Variants in CERS4 observed in about 807,000 individuals in gnomAD.
CERS4 encodes ceramide synthase 4.
In CERS4, 65 loss-of-function variants were observed where a neutral mutation model predicts 51.8. That is an observed-to-expected ratio of 1.26 (90% confidence interval 1.03 to 1.54). The LOEUF (loss-of-function observed/expected upper bound fraction) is 1.54. Among genes scored for constraint, CERS4 ranks in the 40% most tolerant of loss-of-function variants. The probability of loss-of-function intolerance (pLI) is 0.00; values close to 1 mark genes in which losing one functional copy is unlikely to be tolerated. For missense variants in CERS4, 563 were observed against 500.4 expected (o/e 1.13, Z -1.19); for synonymous variants, 228 against 208.4 (o/e 1.09, Z -0.81).
intron 2 of CERS4, among the ~76,000 whole-genome samples, chr19:8,243,194 TAAAAAAAAAAAAA>T (rs56754017): frequency 0.018 from 1,082 of 59,926 alleles, 22 homozygotes; most frequent in African/African-American, 0.069. Flanking sequence ...ACCCTGTCTC[TAAAAAAAAAAAAA>T]AAAAAAAAAA....
In CERS4 at chr19:8,213,986, AC is replaced by A. The variant is rs569712149; in HGVS notation, c.-2+3125del. Reference sequence around the variant, plus strand: ...AAGACACTGTCTCAAAAACAAACAAACAAAAAACAGAGTAGCATAGAAGAGA... The same window carrying A: ...AAGACACTGTCTCAAAAACAAACAAAAAAAAACAGAGTAGCATAGAAGAGA... On this transcript the variant is annotated intron_variant, in intron 2 of 11. Transcript: ENST00000251363. Among the ~76,000 whole-genome samples, 238 of 152,154 alleles carry A rather than the reference AC, an allele frequency of 1.6e-3. 1 individual carries two copies. Among genetic ancestry groups the A allele is most frequent in the African/African-American group, 5.5e-3 (230 of 41,528 alleles).
chr19:8,244,380 C>G (rs963458610), intron 2 of CERS4, among the ~76,000 whole-genome samples: 2 of 152,198 alleles, frequency 1.3e-5, no homozygotes, highest in African/African-American at 4.8e-5. Flanking sequence ...AGTCTCTTAG[C>G]AATTTTCCAG....
At chr19:8,247,544 T>C (rs538103721) in intron 2 of CERS4, among the ~76,000 whole-genome samples, 1 of 152,188 alleles carries the variant, frequency 6.6e-6, no homozygotes, top group South Asian at 2.1e-4. Context: ...ATCAGCTTCC[T>C]GAATAGCTAG....
Position 8,255,595 on chromosome 19 carries a change from C to T in CERS4, c.292-12C>T, listed in dbSNP as rs1969332279. 1 of 1,604,116 alleles carries T rather than the reference C, an allele frequency of 6.2e-7. No homozygotes were observed. The highest frequency in any genetic ancestry group is 1.7e-5 in the Admixed American group (1 of 59,116). ...GCCTCTGTGACCCTTGTCCTCATCA[C>T]CCCCTCCCCAGCCCCAGCTGTCTCT... On this transcript the variant is annotated splice_polypyrimidine_tract_variant and intron_variant, in intron 4 of 11. Coordinates refer to ENST00000251363, the MANE Select transcript of CERS4 (RefSeq NM_024552.3).
At chr19:8,228,724 T>A (rs1290173121) in intron 2 of CERS4, among the ~76,000 whole-genome samples, 3 of 150,226 alleles carry the variant, frequency 2.0e-5, no homozygotes, top group African/African-American at 4.9e-5. Flanking sequence ...CCACTCCTTA[T>A]AAAAAAAAAT....
At position 8,254,608 on chromosome 19, in the gene CERS4, C is replaced by G; in HGVS notation, c.283C>G (p.Pro95Ala). 6.2e-7 allele frequency: 1 copy of G among 1,607,670 alleles called. No homozygotes were observed. Among genetic ancestry groups the G allele is most frequent in the Non-Finnish European group, 8.5e-7 (1 of 1,177,814 alleles). The change falls in exon 4 of 12, where the codon CCC becomes GCC. Residue 95 changes from proline to alanine, a missense_variant. Pro to Ala is a conservative substitution (Grantham distance 27). Transcript: ENST00000251363. The part of the protein sequence containing the change: ...EKHFLTEGHR[P>A]KEPQLSLLAA... ...ACACTTCCTCACGGAAGGGCACAGGCCCAAGGAGGTGAGAGCCCCCCATGC... is the reference window on the plus strand; with the variant it reads ...ACACTTCCTCACGGAAGGGCACAGGGCCAAGGAGGTGAGAGCCCCCCATGC...
At chr19:8,235,201 G>T (rs920056783) in intron 2 of CERS4, among the ~76,000 whole-genome samples, 2 of 151,070 alleles carry the variant, frequency 1.3e-5, no homozygotes, top group African/African-American at 4.9e-5. Flanking sequence ...TAGAAACGGG[G>T]TTTCACCATG....
At chr19:8,221,072 G>A (rs1191867983) in intron 2 of CERS4, among the ~76,000 whole-genome samples, 2 of 151,776 alleles carry the variant, frequency 1.3e-5, no homozygotes, top group South Asian at 4.2e-4. Flanking sequence ...TGATCTGCCC[G>A]CCTCGGCCTC....
At chr19:8,261,631 A>C in intron 10 of CERS4, 57 bp from the exon 11 acceptor site, 1 of 1,602,004 alleles carries the variant, frequency 6.2e-7, no homozygotes, top group Non-Finnish European at 8.5e-7. Flanking sequence ...AATTCTTAGG[A>C]CTGGGGGCTA....
intron 2 of CERS4, chr19:8,250,774 T>C (rs1217708607): frequency 2.7e-6 from 3 of 1,101,992 alleles, no homozygotes; most frequent in Admixed American, 1.0e-4. Flanking sequence ...GTTTTACAGA[T>C]GAACTTGAGG....
intron 10 of CERS4, among the ~76,000 whole-genome samples, chr19:8,258,372 G>A (rs980590803): frequency 5.3e-5 from 8 of 152,182 alleles, no homozygotes; most frequent in Non-Finnish European, 7.3e-5. Flanking sequence ...AGGCAGCCAC[G>A]TGAACTGCAC....
At chr19:8,232,889 ATTTTTTTTTT>A (rs34774744) in intron 2 of CERS4, among the ~76,000 whole-genome samples, 6 of 59,172 alleles carry the variant, frequency 1.0e-4, no homozygotes, top group South Asian at 5.8e-4. Flanking sequence ...TGCCTCGCTG[ATTTTTTTTTT>A]TTTTTTTTTT....
At chr19:8,247,523 C>T (rs368783872) in intron 2 of CERS4, among the ~76,000 whole-genome samples, 1 of 152,128 alleles carries the variant, frequency 6.6e-6, no homozygotes, top group Middle Eastern at 3.4e-3. Flanking sequence ...GGGCTCAAGT[C>T]GTACTCCCAC....
At chr19:8,234,718 T>C (rs1014350001) in intron 2 of CERS4, among the ~76,000 whole-genome samples, 6 of 111,256 alleles carry the variant, frequency 5.4e-5, no homozygotes, top group Non-Finnish European at 1.2e-4. Flanking sequence ...TATGCCCAGC[T>C]AATTTTTGCA....
chr19:8,230,114 A>G (rs1207333700), intron 2 of CERS4, among the ~76,000 whole-genome samples: 2 of 152,200 alleles, frequency 1.3e-5, no homozygotes, highest in African/African-American at 2.4e-5. Flanking sequence ...TATTTTTTCA[A>G]ATATTTCACC....
chr19:8,215,203 G>T (rs1020878713), intron 2 of CERS4, among the ~76,000 whole-genome samples: 1 of 152,080 alleles, frequency 6.6e-6, no homozygotes, highest in African/African-American at 2.4e-5. Flanking sequence ...GCAGGGCCAG[G>T]CGCGGTGGCT....
chr19:8,247,586 C>A (rs976713309), intron 2 of CERS4, among the ~76,000 whole-genome samples: 1 of 152,074 alleles, frequency 6.6e-6, no homozygotes, highest in African/African-American at 2.4e-5. Flanking sequence ...CACCTGACTA[C>A]TTTTTAAATT....
At chr19:8,247,215 T>C (rs774395427) in intron 2 of CERS4, among the ~76,000 whole-genome samples, 26 of 152,082 alleles carry the variant, frequency 1.7e-4, no homozygotes, top group Non-Finnish European at 3.1e-4. Context: ...CCCCATGCCT[T>C]GCAGGCTCTG....
At position 8,256,701 on chromosome 19, in the gene CERS4, C is replaced by A; in HGVS notation, c.603C>A (p.Val201=). ...LSLLIRLPFD[V]KRKDFKEQVI... ...TGCTAATCAGGCTGCCCTTTGATGT[C>A]AAGCGCAAGGTGAGGCCAAATAAGA... is the stretch of plus-strand genomic sequence containing the variant. Residue 201 remains valine, a synonymous_variant, in exon 8 of 12, where the codon GTC becomes GTA. Transcript: ENST00000251363. The A allele has an allele frequency of 6.2e-7, 1 of 1,613,380 alleles. No individual in the cohort carries two copies.
Sources: allele counts gnomAD v4.1 joint callset (sites outside exome capture counted in the v4.1 genomes callset), GRCh38; gene constraint gnomAD v4.1.1; transcripts MANE v1.5; gene names NCBI Gene and HGNC (gene_info 2026-07-23, HGNC 2026-07-21).